Variants in DGKB observed in about 807,000 individuals in gnomAD.
The protein encoded by DGKB is 90 kDa diacylglycerol kinase.
A neutral mutation model predicts 114.3 loss-of-function variants in DGKB; 67 were observed. The ratio of observed to expected loss-of-function variants is 0.59; its 90% CI spans 0.48 to 0.72. DGKB has a LOEUF of 0.72. DGKB is among the 30% of genes least tolerant of loss of function. The pLI is 0.00. For synonymous variants in DGKB, 398 were observed against 323.1 expected (o/e 1.23, Z -2.49); for missense variants, 907 against 975.2 (o/e 0.93, Z 0.93).
At chr7:14,936,649 G>A (rs575206528) in intron 1 of DGKB, among the ~76,000 whole-genome samples, 3 of 152,202 alleles carry the variant, frequency 2.0e-5, no homozygotes, top group African/African-American at 7.2e-5. Flanking sequence ...GGGAAACACA[G>A]GGCAGGCCTG....
intron 8 of DGKB, among the ~76,000 whole-genome samples, chr7:14,696,438 T>A (rs1341605637): frequency 2.2e-5 from 3 of 133,584 alleles, no homozygotes; most frequent in African/African-American, 8.5e-5. Flanking sequence ...GAGCTTGCAG[T>A]GAGCCGAGAT....
intron 2 of DGKB, among the ~76,000 whole-genome samples, chr7:14,777,192 A>T (rs937465594): frequency 1.1e-4 from 16 of 152,238 alleles, no homozygotes; most frequent in African/African-American, 3.6e-4. Flanking sequence ...GAAGTGACTC[A>T]GTTGCTTTTG....
chr7:14,846,830 G>C (rs921529653), intron 1 of DGKB, among the ~76,000 whole-genome samples: 4 of 152,162 alleles, frequency 2.6e-5, no homozygotes, highest in Non-Finnish European at 5.9e-5. Flanking sequence ...CCTATAATTA[G>C]GCGAGAAATC....
chr7:14,168,308 A>G (rs900361249), intron 25 of DGKB, among the ~76,000 whole-genome samples: 1 of 152,230 alleles, frequency 6.6e-6, no homozygotes, highest in Non-Finnish European at 1.5e-5. Flanking sequence ...AGACTCAAAG[A>G]TCTATGAGAC....
At chr7:14,536,850 A>AC (rs71004311) in intron 20 of DGKB, among the ~76,000 whole-genome samples, 3 of 151,850 alleles carry the variant, frequency 2.0e-5, no homozygotes, top group East Asian at 1.9e-4. Flanking sequence ...GAAAAAAACA[A>AC]CAACAAGGCA....
chr7:14,209,930 G>T (rs1486182315), intron 23 of DGKB, among the ~76,000 whole-genome samples: 1 of 151,496 alleles, frequency 6.6e-6, no homozygotes, highest in Admixed American at 6.6e-5. Flanking sequence ...TCATTGAAAA[G>T]AATGAAAGAA....
chr7:14,468,253 C>T (rs1431525), intron 21 of DGKB, among the ~76,000 whole-genome samples: 6 of 151,670 alleles, frequency 4.0e-5, no homozygotes, highest in African/African-American at 7.3e-5. Context: ...TATTGGTTAA[C>T]GTCACAGGCT....
intron 20 of DGKB, among the ~76,000 whole-genome samples, chr7:14,478,867 T>C (rs1249250090): frequency 1.3e-5 from 2 of 152,068 alleles, no homozygotes; most frequent in Non-Finnish European, 2.9e-5. Flanking sequence ...ATACAATTTG[T>C]TTCTGAGACC....
intron 20 of DGKB, among the ~76,000 whole-genome samples, chr7:14,554,894 T>C (rs1352075496): frequency 1.3e-5 from 2 of 152,190 alleles, no homozygotes; most frequent in African/African-American, 4.8e-5. Flanking sequence ...CTATCTTTAT[T>C]ATTTTTGTTG....
intron 20 of DGKB, among the ~76,000 whole-genome samples, chr7:14,497,837 T>C (rs550611283): frequency 6.6e-6 from 1 of 151,910 alleles, no homozygotes; most frequent in African/African-American, 2.4e-5. Flanking sequence ...TTCTAGGAGA[T>C]GGCTTGTTAT....
At chr7:14,633,126 C>G (rs752851340) in intron 13 of DGKB, among the ~76,000 whole-genome samples, 8 of 151,882 alleles carry the variant, frequency 5.3e-5, no homozygotes, top group Non-Finnish European at 1.0e-4. Flanking sequence ...AAGTCTTCCT[C>G]TTTCTCAGAG....
chr7:14,199,383 C>A (rs908379079), intron 23 of DGKB, among the ~76,000 whole-genome samples: 18 of 152,004 alleles, frequency 1.2e-4, no homozygotes, highest in African/African-American at 4.3e-4. Flanking sequence ...AATGTCTGAT[C>A]TAAGAAAGCA....
chr7:14,477,325 C>T (rs1365203724), intron 21 of DGKB, among the ~76,000 whole-genome samples: 4 of 152,098 alleles, frequency 2.6e-5, no homozygotes, highest in Admixed American at 2.6e-4. Flanking sequence ...GGCAAGATGT[C>T]AGCCAAATGC....
chr7:14,874,572 T>C (rs1260187609), intron 1 of DGKB, among the ~76,000 whole-genome samples: 1 of 152,028 alleles, frequency 6.6e-6, no homozygotes, highest in African/African-American at 2.4e-5. Flanking sequence ...TCTCTTTTTC[T>C]ATATATAGAA....
intron 2 of DGKB, chr7:14,815,287 C>G (rs746092471): frequency 2.0e-5 from 3 of 152,242 alleles, no homozygotes; most frequent in Admixed American, 1.3e-4. Flanking sequence ...GACCCTGATA[C>G]GGAAAATGTG....
At chr7:14,847,046 T>C (rs1848715210) in intron 1 of DGKB, among the ~76,000 whole-genome samples, 1 of 152,048 alleles carries the variant, frequency 6.6e-6, no homozygotes, top group South Asian at 2.1e-4. Flanking sequence ...ATCCCAGGAC[T>C]TTGGGAGGCC....
intron 1 of DGKB, among the ~76,000 whole-genome samples, chr7:14,964,260 C>T (rs1787027062): frequency 6.6e-6 from 1 of 152,110 alleles, no homozygotes; most frequent in South Asian, 2.1e-4. Flanking sequence ...AATCCCAGCA[C>T]TTTAGGAGGC....
At chr7:14,508,682 G>C (rs1351611237) in intron 20 of DGKB, among the ~76,000 whole-genome samples, 1 of 152,140 alleles carries the variant, frequency 6.6e-6, no homozygotes, top group Non-Finnish European at 1.5e-5. Flanking sequence ...GAGAGCATCT[G>C]TTAGATAAGT....
At chr7:14,791,295 A>T (rs1015969592) in intron 2 of DGKB, among the ~76,000 whole-genome samples, 7 of 152,124 alleles carry the variant, frequency 4.6e-5, no homozygotes, top group African/African-American at 1.4e-4. Context: ...AACTTTCTAA[A>T]CTCAGTAATT....
Sources: gnomAD v4.1 joint callset for allele counts (sites outside exome capture counted in the v4.1 genomes callset) on GRCh38, gnomAD v4.1.1 for gene constraint, MANE v1.5 for transcripts, NCBI Gene and HGNC (gene_info 2026-07-23, HGNC 2026-07-21) for gene names.